The following SRGAP2B variants were observed in gnomAD, a reference collection of about 807,000 sequenced individuals.
SRGAP2B encodes SLIT-ROBO Rho GTPase-activating protein 2B.
A neutral mutation model predicts 22.2 loss-of-function variants in SRGAP2B; 9 were observed. That is an observed-to-expected ratio of 0.41 (90% CI 0.24 to 0.71). The LOEUF is 0.71. Among genes scored for constraint, SRGAP2B ranks in the 30% least tolerant of loss-of-function variants. The probability of loss-of-function intolerance (pLI) is 0.35; values close to 1 mark genes in which losing one functional copy is unlikely to be tolerated. For synonymous variants in SRGAP2B, 36 were observed against 87.4 expected (o/e 0.41, Z 3.28); for missense variants, 114 against 235.8 (o/e 0.48, Z 3.38).
intron 2 of SRGAP2B, among the ~76,000 whole-genome samples, chr1:145,016,907 G>A (rs1396214540): frequency 6.9e-6 from 1 of 145,910 alleles, no homozygotes; most frequent in Non-Finnish European, 1.5e-5. Context: ...GGAGTGCAGT[G>A]GTGCGATCTC....
chr1:144,966,541 C>T (rs1424099377), intron 3 of SRGAP2B, among the ~76,000 whole-genome samples: 1 of 146,732 alleles, frequency 6.8e-6, no homozygotes. Context: ...AAAAACATGC[C>T]CAATTGTAAA....
intron 2 of SRGAP2B, among the ~76,000 whole-genome samples, chr1:145,081,579 A>G (rs1652937365): frequency 6.8e-6 from 1 of 146,972 alleles, no homozygotes; most frequent in Admixed American, 6.7e-5. Context: ...ATGTTGCTCC[A>G]GAATAGGTAC....
chr1:144,969,316 A>G (rs1343131706), intron 3 of SRGAP2B, among the ~76,000 whole-genome samples: 2 of 120,314 alleles, frequency 1.7e-5, no homozygotes, highest in Admixed American at 1.7e-4. Flanking sequence ...ATGGAACAGA[A>G]CAGAGCCCTC....
At chr1:145,068,955 A>G (rs1215504280) in intron 2 of SRGAP2B, among the ~76,000 whole-genome samples, 2 of 141,830 alleles carry the variant, frequency 1.4e-5, no homozygotes, top group African/African-American at 2.6e-5. Context: ...GTGTATGTGT[A>G]TATATATATC....
chr1:144,962,989 T>C (rs1667790311), intron 3 of SRGAP2B, among the ~76,000 whole-genome samples: 2 of 150,772 alleles, frequency 1.3e-5, no homozygotes, highest in Non-Finnish European at 3.0e-5. Context: ...AACCCACATC[T>C]TATCCTGGTC....
At chr1:144,909,582 A>G (rs1232009681) in intron 5 of SRGAP2B, among the ~76,000 whole-genome samples, 11 of 147,044 alleles carry the variant, frequency 7.5e-5, no homozygotes, top group Non-Finnish European at 1.5e-4. Context: ...GCGAGACTCC[A>G]TCTCAAAAAA....
intron 2 of SRGAP2B, among the ~76,000 whole-genome samples, chr1:145,013,042 C>T (rs587687640): frequency 7.3e-5 from 11 of 150,898 alleles, no homozygotes; most frequent in Admixed American, 5.3e-4. Context: ...GAGATCACAC[C>T]GCTGCACTCC....
intron 3 of SRGAP2B, among the ~76,000 whole-genome samples, chr1:144,984,676 T>C (rs1489237934): frequency 1.3e-5 from 2 of 148,644 alleles, no homozygotes; most frequent in Non-Finnish European, 3.0e-5. Context: ...ATTCCTACCA[T>C]CCCAACCTAA....
At chr1:144,975,943 G>A (rs1570904956) in intron 3 of SRGAP2B, among the ~76,000 whole-genome samples, 1 of 142,986 alleles carries the variant, frequency 7.0e-6, no homozygotes, top group Non-Finnish European at 1.5e-5. Context: ...GCACGATCTC[G>A]GCTCACTGCA....
intron 4 of SRGAP2B, among the ~76,000 whole-genome samples, chr1:144,925,793 A>AAGAAAGAC (rs1664689759): frequency 1.2e-5 from 1 of 81,642 alleles, no homozygotes; most frequent in East Asian, 3.6e-4. Flanking sequence ...GAAAGAAAGA[A>AAGAAAGAC]AGGAGAGAGA....
rs1280766372 is a variant in SRGAP2B at position 145,081,087 on chromosome 1, T to A, written c.67+11748A>T. ...GTGTACAGCATCTCATAGTTTCAAC[T>A]GAATTCTTTCATTTCAGCTTCACAC... On this transcript the variant is annotated intron_variant, in intron 2 of 9. Transcript: ENST00000612199. 4.7e-5 allele frequency among the ~76,000 whole-genome samples: 7 copies of A among 149,446 alleles called. 1 individual carries two copies. The highest frequency in any genetic ancestry group is 1.0e-4 in the African/African-American group (4 of 39,378).
chr1:145,086,703 A>G (rs1653465676), intron 2 of SRGAP2B, among the ~76,000 whole-genome samples: 1 of 103,690 alleles, frequency 9.6e-6, no homozygotes, highest in African/African-American at 4.2e-5. Flanking sequence ...AAAAAAAAGA[A>G]AAAAGAACAC....
intron 2 of SRGAP2B, among the ~76,000 whole-genome samples, chr1:145,009,734 T>C (rs1354680533): frequency 1.5e-5 from 2 of 131,418 alleles, no homozygotes; most frequent in African/African-American, 6.2e-5. Flanking sequence ...ATTAATGGTG[T>C]GTAAAAAAAA....
At chr1:144,909,652 A>C (rs1663268061) in intron 5 of SRGAP2B, among the ~76,000 whole-genome samples, 1 of 150,302 alleles carries the variant, frequency 6.7e-6, no homozygotes, top group East Asian at 1.9e-4. Context: ...TTGTAGTGGA[A>C]GACTAGATGA....
rs1397735128 is a variant in SRGAP2B at position 144,951,184 on chromosome 1, T to G, written c.423+4255A>C. 2.7e-5 allele frequency among the ~76,000 whole-genome samples: 4 copies of G among 149,728 alleles called. No individual in the cohort carries two copies. In the East Asian group the frequency reaches 7.8e-4, roughly 29 times the overall value. ...TTTTTGTTTTTTGTTTTTTGTTTTTTTTTTTTAAACAGACAGGGTCTGGCT... is the reference window on the plus strand; with the variant it reads ...TTTTTGTTTTTTGTTTTTTGTTTTTGTTTTTTAAACAGACAGGGTCTGGCT... On this transcript the variant is annotated intron_variant, in intron 4 of 9. Coordinates refer to ENST00000612199, the Ensembl canonical transcript of SRGAP2B.
chr1:144,979,687 C>G (rs587615392), intron 3 of SRGAP2B, among the ~76,000 whole-genome samples: 2 of 150,566 alleles, frequency 1.3e-5, no homozygotes, highest in South Asian at 4.2e-4. Context: ...TTCATGCTCA[C>G]TTAGTTCACG....
intron 2 of SRGAP2B, among the ~76,000 whole-genome samples, chr1:145,009,611 C>G (rs1671900160): frequency 6.7e-6 from 1 of 148,500 alleles, no homozygotes; most frequent in South Asian, 2.1e-4. Flanking sequence ...ACAAAATTGG[C>G]CCTGAGCTGA....
intron 2 of SRGAP2B, among the ~76,000 whole-genome samples, chr1:145,009,289 A>C (rs1453127016): frequency 6.7e-6 from 1 of 150,114 alleles, no homozygotes; most frequent in Admixed American, 6.6e-5. Flanking sequence ...TGAGGGATAC[A>C]GATAAAACAA....
chr1:144,941,499 G>C (rs587634618), intron 4 of SRGAP2B, among the ~76,000 whole-genome samples: 1 of 148,886 alleles, frequency 6.7e-6, no homozygotes, highest in Non-Finnish European at 1.5e-5. Flanking sequence ...AGAGAAAAAG[G>C]AAAAAAAGAA....
Sources: allele counts gnomAD v4.1 joint callset (sites outside exome capture counted in the v4.1 genomes callset), GRCh38; gene constraint gnomAD v4.1.1; transcripts MANE v1.5; gene names NCBI Gene and HGNC (gene_info 2026-07-23, HGNC 2026-07-21).